Variants in ZNF385D observed in about 807,000 individuals in gnomAD.
ZNF385D encodes zinc finger protein 385D.
ZNF385D carries 15 observed loss-of-function variants against 35.8 expected under a neutral mutation model. The ratio of observed to expected loss-of-function variants is 0.42; its 90% CI spans 0.28 to 0.64. The LOEUF is 0.64. ZNF385D is among the 30% of genes least tolerant of loss of function. The pLI, the probability that ZNF385D is intolerant of heterozygous loss-of-function variation, is 0.23. For synonymous variants in ZNF385D, 212 were observed against 186.8 expected, an observed-to-expected ratio of 1.13 and a Z score of -1.10; for missense variants, 474 against 494.6, an observed-to-expected ratio of 0.96 and a Z score of 0.39.
intron 3 of ZNF385D, among the ~76,000 whole-genome samples, chr3:21,776,714 A>C (rs2071303581): frequency 6.6e-6 from 1 of 152,006 alleles, no homozygotes; most frequent in Admixed American, 6.6e-5. Flanking sequence ...TATCATAAAA[A>C]GGAAAGTAAA....
chr3:21,719,737 T>C (rs1402505195), intron 1 of ZNF385D, among the ~76,000 whole-genome samples: 1 of 152,148 alleles, frequency 6.6e-6, no homozygotes, highest in Non-Finnish European at 1.5e-5. Context: ...ACTGGAACTC[T>C]CTCTCTCAGA....
Position 21,519,112 on chromosome 3 carries a change from C to T in ZNF385D, c.277-8089G>A, listed in dbSNP as rs574213729. Among the ~76,000 whole-genome samples the T allele has an allele frequency of 1.3e-4, 20 of 151,318 alleles. No homozygotes were observed. In the South Asian group the frequency reaches 2.5e-3, roughly 19 times the overall value. The stretch of plus-strand genomic sequence containing the variant: ...ATACAGAAATGAACAGTAACAGCTA[C>T]GGGAATAGAAAAAAAGGGGGGGAAA... On this transcript the variant is annotated intron_variant, in intron 3 of 7. Transcript: ENST00000281523.
intron 2 of ZNF385D, among the ~76,000 whole-genome samples, chr3:22,276,366 C>A (rs1701427259): frequency 6.6e-6 from 1 of 152,006 alleles, no homozygotes; most frequent in African/African-American, 2.4e-5. Flanking sequence ...TTCAGTAACA[C>A]TCTAACAATG....
intron 3 of ZNF385D, among the ~76,000 whole-genome samples, chr3:22,019,820 A>G (rs1453941280): frequency 6.6e-6 from 1 of 151,756 alleles, no homozygotes; most frequent in African/African-American, 2.4e-5. Flanking sequence ...AATTATTGAG[A>G]ACCTTGAGAG....
chr3:21,443,167 A>G (rs1332319386), intron 4 of ZNF385D: 1 of 985,234 alleles, frequency 1.0e-6, no homozygotes, highest in African/African-American at 1.7e-5. Flanking sequence ...TCCACTTTGC[A>G]GGGTACCTGA....
intron 3 of ZNF385D, among the ~76,000 whole-genome samples, chr3:21,981,443 T>G (rs1480151393): frequency 1.3e-5 from 2 of 152,172 alleles, no homozygotes; most frequent in African/African-American, 2.4e-5. Context: ...ATTTTTAAGT[T>G]CCTTATAGAT....
intron 2 of ZNF385D, among the ~76,000 whole-genome samples, chr3:21,653,798 G>A (rs1263199086): frequency 6.6e-6 from 1 of 151,840 alleles, no homozygotes; most frequent in East Asian, 1.9e-4. Context: ...TCTTTATAGA[G>A]CTCCAAAAGC....
At chr3:21,964,436 A>G (rs1470471629) in intron 3 of ZNF385D, among the ~76,000 whole-genome samples, 1 of 126,112 alleles carries the variant, frequency 7.9e-6, no homozygotes, top group Non-Finnish European at 1.5e-5. Flanking sequence ...AAAAAAAGAA[A>G]AAAAAAAAAA....
At chr3:22,332,818 G>T (rs879563259) in intron 2 of ZNF385D, among the ~76,000 whole-genome samples, 14 of 151,910 alleles carry the variant, frequency 9.2e-5, no homozygotes, top group Non-Finnish European at 1.6e-4. Context: ...AAATAAACCA[G>T]CCTATGAGAG....
chr3:21,963,554 C>A (rs1022603538), intron 3 of ZNF385D, among the ~76,000 whole-genome samples: 1 of 152,088 alleles, frequency 6.6e-6, no homozygotes, highest in African/African-American at 2.4e-5. Context: ...AAAATGAGAC[C>A]AATCAAAACA....
intron 2 of ZNF385D, among the ~76,000 whole-genome samples, chr3:22,303,749 T>G (rs1472129407): frequency 1.3e-5 from 2 of 152,100 alleles, no homozygotes; most frequent in Non-Finnish European, 2.9e-5. Flanking sequence ...TCATTCTGAG[T>G]GTTTTTGGCA....
At chr3:21,743,116 C>T (rs2069598160) in intron 1 of ZNF385D, among the ~76,000 whole-genome samples, 1 of 152,138 alleles carries the variant, frequency 6.6e-6, no homozygotes, top group South Asian at 2.1e-4. Flanking sequence ...AAGGACACAG[C>T]ACTACTGAAT....
chr3:21,908,002 A>T (rs1699767670), intron 3 of ZNF385D, among the ~76,000 whole-genome samples: 1 of 152,150 alleles, frequency 6.6e-6, no homozygotes, highest in Non-Finnish European at 1.5e-5. Context: ...GAAACATTTA[A>T]AGAACTGAAG....
At chr3:22,076,443 T>C (rs1222266031) in intron 3 of ZNF385D, among the ~76,000 whole-genome samples, 3 of 151,932 alleles carry the variant, frequency 2.0e-5, no homozygotes, top group Non-Finnish European at 4.4e-5. Flanking sequence ...TTTTAATCAT[T>C]TGGATCTCAG....
chr3:21,665,148 C>A, intron 1 of ZNF385D, 120 bp from the exon 2 acceptor site: 2 of 1,278,042 alleles, frequency 1.6e-6, no homozygotes, highest in Non-Finnish European at 2.1e-6. Flanking sequence ...AAGACATGGA[C>A]TCTATTGACC....
intron 2 of ZNF385D, among the ~76,000 whole-genome samples, chr3:22,342,820 G>A (rs762307527): frequency 3.3e-5 from 5 of 152,160 alleles, no homozygotes; most frequent in Non-Finnish European, 5.9e-5. Context: ...AGTCGTTTTG[G>A]AAAGAACTTC....
At chr3:21,787,776 A>G (rs917520829) in intron 3 of ZNF385D, among the ~76,000 whole-genome samples, 1 of 152,090 alleles carries the variant, frequency 6.6e-6, no homozygotes, top group Non-Finnish European at 1.5e-5. Context: ...GATAAAATTC[A>G]GAGAGGCAAT....
rs143568262 is a variant in ZNF385D, at chr3:22,073,703, A to G, written c.325+95114T>C. ...TCTTACAAGATTGTAGGGGGAATTA[A>G]AGAAATGGGGGGTTGGACAGTTTGT... On this transcript the variant is annotated intron_variant, in intron 3 of 5. Transcript: ENST00000494108. Among the ~76,000 whole-genome samples, 9 of 151,978 alleles carry G rather than the reference A, an allele frequency of 5.9e-5. No homozygotes were observed. The East Asian group carries it at 1.7e-3, about 29-fold the overall frequency.
At chr3:22,103,574 G>A (rs1233257594) in intron 3 of ZNF385D, among the ~76,000 whole-genome samples, 1 of 152,002 alleles carries the variant, frequency 6.6e-6, no homozygotes, top group East Asian at 1.9e-4. Flanking sequence ...AATTTTGATG[G>A]TCTGGAGAAC....
Sources: gnomAD v4.1 joint callset for allele counts (sites outside exome capture counted in the v4.1 genomes callset) on GRCh38, gnomAD v4.1.1 for gene constraint, MANE v1.5 for transcripts, NCBI Gene and HGNC (gene_info 2026-07-23, HGNC 2026-07-21) for gene names.